PLCB1: variants seen among roughly 807,000 people sequenced by gnomAD.
The protein encoded by PLCB1 is phospholipase C beta 1.
PLCB1 carries 46 observed loss-of-function variants against 161.8 expected under a neutral mutation model. That is an observed-to-expected ratio of 0.28 (90% CI 0.22 to 0.36). The LOEUF is 0.36. Ranked by LOEUF, PLCB1 falls within the 10% of genes least tolerant of loss-of-function variation. The pLI is 1.00. For synonymous variants in PLCB1, 517 were observed against 503.7 expected, an observed-to-expected ratio of 1.03 and a Z score of -0.35; for missense variants, 1,016 against 1,472.5, an observed-to-expected ratio of 0.69 and a Z score of 5.07.
intron 27 of PLCB1, among the ~76,000 whole-genome samples, chr20:8,783,086 T>G (rs1983317870): frequency 6.6e-6 from 1 of 152,128 alleles, no homozygotes; most frequent in African/African-American, 2.4e-5. Flanking sequence ...CCTTAAAAGG[T>G]TTGGAACATT....
intron 2 of PLCB1, among the ~76,000 whole-genome samples, chr20:8,257,397 GA>G (rs925637853): frequency 2.0e-5 from 3 of 151,940 alleles, no homozygotes; most frequent in African/African-American, 7.2e-5. Context: ...AATTTTATAA[GA>G]AAAAAATCAA....
rs751760035 is a variant in PLCB1, at chr20:8,628,277, C to A, written c.247-17C>A. The stretch of plus-strand genomic sequence containing the variant: ...TCTCTAGTTATAGACTAATTATTTT[C>A]AATATTTATTACCCAGGACCCCAAA... On this transcript the variant is annotated splice_polypyrimidine_tract_variant and intron_variant, in intron 3 of 31. Coordinates refer to ENST00000338037, the MANE Select transcript of PLCB1 (RefSeq NM_015192.4). 4 of 1,596,808 alleles carry A rather than the reference C, an allele frequency of 2.5e-6. No individual in the cohort carries two copies. In the South Asian group the frequency reaches 3.3e-5, roughly 13 times the overall value.
At chr20:8,198,663 T>TA (rs776605333) in intron 2 of PLCB1, among the ~76,000 whole-genome samples, 6 of 152,050 alleles carry the variant, frequency 3.9e-5, no homozygotes, top group Non-Finnish European at 8.8e-5. Flanking sequence ...TTCTTTTTTT[T>TA]ATATTGCCTC....
intron 15 of PLCB1, among the ~76,000 whole-genome samples, chr20:8,724,403 A>G (rs1979821779): frequency 6.6e-6 from 1 of 152,084 alleles, no homozygotes; most frequent in Admixed American, 6.6e-5. Context: ...AGGAGGGGGC[A>G]GGGGATAGGG....
chr20:8,559,306 A>G (rs1205988762), intron 3 of PLCB1, among the ~76,000 whole-genome samples: 1 of 151,986 alleles, frequency 6.6e-6, no homozygotes, highest in African/African-American at 2.4e-5. Context: ...CCCCAGGATA[A>G]CTACTAAAAT....
intron 27 of PLCB1, among the ~76,000 whole-genome samples, chr20:8,784,980 G>A (rs6086597): frequency 0.32 from 48,621 of 152,002 alleles, 8,330 homozygotes; most frequent in East Asian, 0.5. Flanking sequence ...TTTGTCTAGA[G>A]CCTGGGATTC....
At chr20:8,244,863 A>G (rs966624870) in intron 2 of PLCB1, among the ~76,000 whole-genome samples, 8 of 151,888 alleles carry the variant, frequency 5.3e-5, no homozygotes, top group Admixed American at 2.6e-4. Context: ...AGATGATGCA[A>G]TGGAAGTATC....
At chr20:8,402,091 T>A (rs1978578206) in intron 3 of PLCB1, among the ~76,000 whole-genome samples, 1 of 152,186 alleles carries the variant, frequency 6.6e-6, no homozygotes, top group Non-Finnish European at 1.5e-5. Flanking sequence ...AGACTAGTAA[T>A]AAAATGTTTT....
At chr20:8,543,202 A>C (rs919583316) in intron 3 of PLCB1, among the ~76,000 whole-genome samples, 4 of 152,156 alleles carry the variant, frequency 2.6e-5, no homozygotes, top group Non-Finnish European at 5.9e-5. Context: ...AGATAAAAAA[A>C]TAAGTAAAAT....
At chr20:8,211,725 A>T (rs1978834705) in intron 2 of PLCB1, among the ~76,000 whole-genome samples, 1 of 152,100 alleles carries the variant, frequency 6.6e-6, no homozygotes, top group South Asian at 2.1e-4. Context: ...AGATGTATTC[A>T]TTTCAATTTC....
intron 3 of PLCB1, among the ~76,000 whole-genome samples, chr20:8,500,050 G>T (rs1983340066): frequency 6.6e-6 from 1 of 152,046 alleles, no homozygotes; most frequent in African/African-American, 2.4e-5. Context: ...TATTTTTCTG[G>T]TTACATAATA....
intron 2 of PLCB1, among the ~76,000 whole-genome samples, chr20:8,166,955 A>G (rs976884348): frequency 1.3e-5 from 2 of 152,164 alleles, no homozygotes; most frequent in African/African-American, 2.4e-5. Context: ...TGTAATATCT[A>G]GCTCCCGTAT....
chr20:8,768,987 A>G (rs1465625718), intron 26 of PLCB1, among the ~76,000 whole-genome samples: 1 of 151,716 alleles, frequency 6.6e-6, no homozygotes, highest in Admixed American at 6.6e-5. Context: ...TTGACAATAA[A>G]TAATGTTTTG....
chr20:8,262,164 C>A (rs1469120910), intron 2 of PLCB1, among the ~76,000 whole-genome samples: 3 of 152,062 alleles, frequency 2.0e-5, no homozygotes, highest in African/African-American at 4.8e-5. Context: ...ACCTCCACCT[C>A]CTGAGTTTAA....
intron 3 of PLCB1, among the ~76,000 whole-genome samples, chr20:8,441,169 T>C (rs1980542908): frequency 6.6e-6 from 1 of 152,244 alleles, no homozygotes; most frequent in South Asian, 2.1e-4. Flanking sequence ...ATTAAATCGT[T>C]GTTTCTAACC....
At chr20:8,704,774 G>T (rs1297212122) in intron 11 of PLCB1, among the ~76,000 whole-genome samples, 1 of 152,082 alleles carries the variant, frequency 6.6e-6, no homozygotes, top group Non-Finnish European at 1.5e-5. Flanking sequence ...TGGCTTATGT[G>T]GTTATGGAGG....
At chr20:8,258,050 C>A (rs1981513194) in intron 2 of PLCB1, among the ~76,000 whole-genome samples, 1 of 151,974 alleles carries the variant, frequency 6.6e-6, no homozygotes, top group Non-Finnish European at 1.5e-5. Context: ...CAATGAATTA[C>A]CTAGATTTAC....
chr20:8,705,030 C>T (rs1312590206), intron 11 of PLCB1, among the ~76,000 whole-genome samples: 1 of 127,208 alleles, frequency 7.9e-6, no homozygotes, highest in East Asian at 2.4e-4. Flanking sequence ...TGAATGAGGC[C>T]CATCCACATT....
chr20:8,313,943 A>G (rs1234744415), intron 2 of PLCB1, among the ~76,000 whole-genome samples: 2 of 152,194 alleles, frequency 1.3e-5, no homozygotes. Context: ...TGTTGCTTCA[A>G]TGTAGTCTAA....
Sources: allele counts gnomAD v4.1 joint callset (sites outside exome capture counted in the v4.1 genomes callset), GRCh38; gene constraint gnomAD v4.1.1; transcripts MANE v1.5; gene names NCBI Gene and HGNC (gene_info 2026-07-23, HGNC 2026-07-21).